Variants in AGBL4 observed in about 807,000 individuals in gnomAD.
AGBL4 encodes cytosolic carboxypeptidase 6.
In AGBL4, 58 loss-of-function variants were observed where a neutral mutation model predicts 66.4. The observed-to-expected ratio is 0.87, with a 90% CI of 0.71 to 1.09. The LOEUF (loss-of-function observed/expected upper bound fraction) is 1.09, where lower values mean the gene tolerates loss of function less well. Ranked by LOEUF, AGBL4 falls within the 50% of genes least tolerant of loss-of-function variation. The pLI is 0.00. For missense variants in AGBL4, 579 were observed against 631.0 expected (o/e 0.92, Z 0.88); for synonymous variants, 234 against 222.9 (o/e 1.05, Z -0.44).
At chr1:48,580,631 C>T (rs571269476) in intron 11 of AGBL4, among the ~76,000 whole-genome samples, 2 of 152,280 alleles carry the variant, frequency 1.3e-5, no homozygotes, top group South Asian at 4.1e-4. Context: ...TGACTGGAGA[C>T]TCATGGGGCC....
chr1:49,500,392 C>T (rs1648032057), intron 3 of AGBL4, among the ~76,000 whole-genome samples: 1 of 144,868 alleles, frequency 6.9e-6, no homozygotes, highest in South Asian at 2.2e-4. Context: ...TAATTAGGTC[C>T]CATCTATTTA....
chr1:49,109,987 AAC>A (rs1052876317), intron 4 of AGBL4, among the ~76,000 whole-genome samples: 3 of 152,152 alleles, frequency 2.0e-5, no homozygotes, highest in African/African-American at 4.8e-5. Context: ...CTCCCCCATC[AAC>A]ACACACATTC....
intron 6 of AGBL4, among the ~76,000 whole-genome samples, chr1:48,839,730 G>A (rs1646757053): frequency 1.3e-5 from 2 of 152,138 alleles, no homozygotes; most frequent in South Asian, 2.1e-4. Context: ...ATAAGAAATG[G>A]GAAATAACTG....
intron 3 of AGBL4, among the ~76,000 whole-genome samples, chr1:49,693,049 A>G (rs1646919864): frequency 6.6e-6 from 1 of 152,166 alleles, no homozygotes. Flanking sequence ...ATCATATCCC[A>G]TTTATCTGTG....
chr1:49,061,927 C>T (rs986939591), intron 4 of AGBL4, among the ~76,000 whole-genome samples: 13 of 152,122 alleles, frequency 8.5e-5, no homozygotes, highest in Non-Finnish European at 1.3e-4. Flanking sequence ...GGTCCCCAAC[C>T]CCTGGGGCCA....
intron 4 of AGBL4, among the ~76,000 whole-genome samples, chr1:49,065,150 C>T (rs1644469075): frequency 1.3e-5 from 2 of 152,134 alleles, no homozygotes; most frequent in Admixed American, 6.6e-5. Flanking sequence ...TGTGATGTGT[C>T]CACTGAAAGA....
chr1:49,814,625 T>G (rs1263505732), intron 2 of AGBL4, among the ~76,000 whole-genome samples: 1 of 152,188 alleles, frequency 6.6e-6, no homozygotes, highest in African/African-American at 2.4e-5. Flanking sequence ...GGTTTCCAGC[T>G]TTTCTGAAGG....
chr1:49,825,882 G>A (rs77648849), intron 2 of AGBL4, among the ~76,000 whole-genome samples: 1 of 151,010 alleles, frequency 6.6e-6, no homozygotes, highest in African/African-American at 2.4e-5. Flanking sequence ...CACCTTTTTG[G>A]TTCTGTTTCT....
chr1:48,754,142 T>C (rs959150112), intron 6 of AGBL4, among the ~76,000 whole-genome samples: 1 of 152,152 alleles, frequency 6.6e-6, no homozygotes, highest in East Asian at 1.9e-4. Context: ...TGTAACAAAC[T>C]GGGGAGGACA....
chr1:49,958,861 TA>T (rs1317522731), intron 1 of AGBL4, among the ~76,000 whole-genome samples: 1 of 150,676 alleles, frequency 6.6e-6, no homozygotes, highest in Non-Finnish European at 1.5e-5. Context: ...AAAATAAATT[TA>T]AAAAAAGAAA....
At chr1:49,788,502 A>G (rs1644516074) in intron 2 of AGBL4, among the ~76,000 whole-genome samples, 1 of 152,114 alleles carries the variant, frequency 6.6e-6, no homozygotes. Context: ...CATATTATAA[A>G]TATCTTCAAA....
At chr1:49,178,898 G>C (rs1646878189) in intron 4 of AGBL4, among the ~76,000 whole-genome samples, 1 of 152,194 alleles carries the variant, frequency 6.6e-6, no homozygotes. Flanking sequence ...GGGGTGACTA[G>C]AGAACGGTCA....
At chr1:48,732,708 G>A (rs1461317050) in intron 6 of AGBL4, among the ~76,000 whole-genome samples, 2 of 152,136 alleles carry the variant, frequency 1.3e-5, no homozygotes, top group African/African-American at 2.4e-5. Flanking sequence ...TGAGGTCAGA[G>A]GCGTCCCAAA....
intron 3 of AGBL4, among the ~76,000 whole-genome samples, chr1:49,320,833 C>T (rs1645119777): frequency 1.3e-5 from 2 of 152,092 alleles, no homozygotes; most frequent in Admixed American, 1.3e-4. Flanking sequence ...TTCTTCATGG[C>T]TGGGGAGGCC....
chr1:48,801,445 C>G (rs887822650), intron 6 of AGBL4, among the ~76,000 whole-genome samples: 2 of 152,242 alleles, frequency 1.3e-5, no homozygotes, highest in Admixed American at 6.5e-5. Context: ...CCTAGTTTCT[C>G]TGGCTGCCTT....
At chr1:49,074,393 C>T (rs1644671203) in intron 4 of AGBL4, among the ~76,000 whole-genome samples, 1 of 152,218 alleles carries the variant, frequency 6.6e-6, no homozygotes, top group Non-Finnish European at 1.5e-5. Context: ...CCTCCATGGG[C>T]TGCATCCACT....
intron 4 of AGBL4, among the ~76,000 whole-genome samples, chr1:49,130,371 G>T (rs982207214): frequency 3.3e-5 from 5 of 152,190 alleles, no homozygotes; most frequent in East Asian, 1.9e-4. Flanking sequence ...TGGTGTTTTA[G>T]ACATGAAGTC....
intron 3 of AGBL4, among the ~76,000 whole-genome samples, chr1:49,250,182 A>C (rs949793870): frequency 3.3e-5 from 5 of 152,208 alleles, no homozygotes; most frequent in Non-Finnish European, 7.3e-5. Context: ...AGTTAATGAC[A>C]ATTTATTATA....
At chr1:48,650,049 C>T (rs1430138562) in intron 8 of AGBL4, among the ~76,000 whole-genome samples, 1 of 152,248 alleles carries the variant, frequency 6.6e-6, no homozygotes, top group Non-Finnish European at 1.5e-5. Context: ...CCTGCCTTCC[C>T]TTCTCACACT....
Sources: allele counts gnomAD v4.1 joint callset (sites outside exome capture counted in the v4.1 genomes callset), GRCh38; gene constraint gnomAD v4.1.1; transcripts MANE v1.5; gene names NCBI Gene and HGNC (gene_info 2026-07-23, HGNC 2026-07-21).